DIDO1: variants seen among roughly 807,000 people sequenced by gnomAD.
DIDO1 encodes death-inducer obliterator 1.
Under a neutral mutation model 99.4 loss-of-function variants are expected in DIDO1, and 16 were observed. The ratio of observed to expected loss-of-function variants is 0.16; its 90% CI spans 0.11 to 0.24. DIDO1 has a LOEUF of 0.24. DIDO1 is among the 10% of genes least tolerant of loss of function. The probability of loss-of-function intolerance (pLI) is 1.00; values close to 1 mark genes in which losing one functional copy is unlikely to be tolerated. For missense variants in DIDO1, 2,996 were observed against 3,014.0 expected (o/e 0.99, Z 0.14); for synonymous variants, 1,366 against 1,239.1 (o/e 1.10, Z -2.15).
intron 8 of DIDO1, 127 bp from the exon 9 acceptor site, chr20:62,895,292 C>A (rs567248893): frequency 9.8e-6 from 8 of 815,402 alleles, no homozygotes; most frequent in Non-Finnish European, 1.6e-5. Flanking sequence ...GGCCCACTTG[C>A]GTGTGGCACT....
intron 6 of DIDO1, among the ~76,000 whole-genome samples, chr20:62,901,160 C>T (rs1372220768): frequency 6.6e-6 from 1 of 152,230 alleles, no homozygotes; most frequent in East Asian, 1.9e-4. Context: ...ATACAGCAGG[C>T]AGACTACATC....
chr20:62,919,122 G>C (rs2065090147), intron 1 of DIDO1, among the ~76,000 whole-genome samples: 1 of 152,150 alleles, frequency 6.6e-6, no homozygotes, highest in Non-Finnish European at 1.5e-5. Context: ...GGCCCACAAG[G>C]AACTGAAGAA....
At chr20:62,912,269 C>T (rs752014421) in intron 2 of DIDO1, among the ~76,000 whole-genome samples, 22 of 152,160 alleles carry the variant, frequency 1.4e-4, no homozygotes, top group Admixed American at 2.6e-4. Context: ...ATGACCCTCA[C>T]GGGCACAATG....
At chr20:62,884,105 C>CCACGCT (rs1454325431) in intron 15 of DIDO1, among the ~76,000 whole-genome samples, 2 of 152,212 alleles carry the variant, frequency 1.3e-5, no homozygotes, top group Non-Finnish European at 2.9e-5. Context: ...AGGACAGACA[C>CCACGCT]CACGCTCACG....
At chr20:62,930,328 C>A (rs547580600), upstream of DIDO1, among the ~76,000 whole-genome samples, 2 of 152,244 alleles carry the variant, frequency 1.3e-5, no homozygotes, top group Admixed American at 1.3e-4. Flanking sequence ...TTCACCCACT[C>A]AATGAATTCC....
intron 1 of DIDO1, among the ~76,000 whole-genome samples, chr20:62,919,209 G>C (rs561669082): frequency 1.3e-5 from 2 of 152,262 alleles, no homozygotes; most frequent in East Asian, 3.9e-4. Context: ...CCTTCAGACG[G>C]CAAATTCAAA....
At chr20:62,906,285 C>A (rs1430937408) in intron 5 of DIDO1, among the ~76,000 whole-genome samples, 185 bp from the exon 6 acceptor site, 1 of 152,118 alleles carries the variant, frequency 6.6e-6, no homozygotes, top group Admixed American at 6.5e-5. Context: ...CGCGGTGGGC[C>A]CGCAGTTTCC....
At position 62,912,598 on chromosome 20, in the gene DIDO1, G is replaced by C. The variant is rs541484132; in HGVS notation, c.-2-984C>G. Among the ~76,000 whole-genome samples the C allele has an allele frequency of 2.1e-4, 32 of 152,114 alleles. No homozygotes were observed. The South Asian group carries it at 3.5e-3, about 17-fold the overall frequency. The stretch of plus-strand genomic sequence containing the variant: ...ACTCTTGTTGAAATGACAAAAATCT[G>C]AAAAAGACAGTAGATACTTTGAGAA... On this transcript the variant is annotated intron_variant, in intron 2 of 15. Transcript: ENST00000395343.
At chr20:62,917,785 G>C (rs1484695156) in intron 1 of DIDO1, among the ~76,000 whole-genome samples, 1 of 152,246 alleles carries the variant, frequency 6.6e-6, no homozygotes, top group Non-Finnish European at 1.5e-5. Context: ...CGGTGCCCAT[G>C]CACGGTGCTG....
intron 1 of DIDO1, among the ~76,000 whole-genome samples, chr20:62,926,209 T>TGAGGCCCGCGCCC (rs1361364282): frequency 2.0e-5 from 3 of 151,384 alleles, no homozygotes; most frequent in African/African-American, 7.3e-5. Flanking sequence ...GGCCGGCGTC[T>TGAGGCCCGCGCCC]GAGGCCCGCG....
rs770318998 is a variant in DIDO1 at position 62,910,792 on chromosome 20, C to A, written c.821G>T (p.Arg274Leu). 1 of 1,611,086 alleles carries A rather than the reference C, an allele frequency of 6.2e-7. No homozygotes were observed. Among genetic ancestry groups the A allele is most frequent in the Non-Finnish European group, 8.5e-7 (1 of 1,177,424 alleles). Reference sequence around the variant, plus strand: ...GACCCACCTGTTGTTGTGAGGCTGGCGGCAAATGCAATACAGGGCGTTGGG... The same window carrying A: ...GACCCACCTGTTGTTGTGAGGCTGGAGGCAAATGCAATACAGGGCGTTGGG... ...YDPNALYCIC[R>L]QPHNNRFMIC... is the part of the protein sequence containing the mutation. The change falls in exon 3 of 16, where the codon CGC becomes CTC. Residue 274 changes from arginine (R) to leucine (L), a missense_variant. By Grantham distance (102) the Arg-to-Leu change is moderately radical. Coordinates refer to ENST00000395343, the MANE Select transcript of DIDO1 (RefSeq NM_001193369.2).
At position 62,880,342 on chromosome 20, in the gene DIDO1, C is replaced by T. The variant is rs1231918229; in HGVS notation, c.5614G>A (p.Gly1872Arg). The change falls in exon 16 of 16, where the codon GGG becomes AGG. Residue 1872 changes from glycine (G) to arginine (R), a missense_variant. Transcript: ENST00000395343. ...EVTGAPAQFE[G>R]TEQAPFLGSR... ...CCCAGAAATGGGGCTTGCTCTGTCC[C>T]TTCAAACTGGGCGGGGGCGCCCGTC... 2 of 1,612,750 alleles carry T rather than the reference C, an allele frequency of 1.2e-6. No homozygotes were observed. Among genetic ancestry groups the T allele is most frequent in the African/African-American group, 1.3e-5 (1 of 74,952 alleles).
chr20:62,900,799 C>G (rs2064654303), intron 6 of DIDO1, among the ~76,000 whole-genome samples: 3 of 152,248 alleles, frequency 2.0e-5, no homozygotes, highest in Admixed American at 2.0e-4. Flanking sequence ...CCACGGTGTC[C>G]TGAATCCTGC....
chr20:62,913,793 A>T (rs2064991098), intron 2 of DIDO1, among the ~76,000 whole-genome samples: 1 of 152,240 alleles, frequency 6.6e-6, no homozygotes, highest in African/African-American at 2.4e-5. Context: ...TGCTGCATCC[A>T]TGCTGGTAGC....
chr20:62,923,052 A>G (rs2065186540), intron 1 of DIDO1, among the ~76,000 whole-genome samples: 2 of 152,212 alleles, frequency 1.3e-5, no homozygotes, highest in South Asian at 4.1e-4. Flanking sequence ...CCCAGGCTGG[A>G]GAGCAGTAGC....
intron 1 of DIDO1, among the ~76,000 whole-genome samples, chr20:62,918,311 T>C (rs114239699): frequency 4.1e-4 from 63 of 152,328 alleles, no homozygotes; most frequent in African/African-American, 1.4e-3. Context: ...CGTGCCCACT[T>C]CCAGGTTGTG....
chr20:62,928,755 C>T (rs2065293297), upstream of DIDO1: 1 of 152,198 alleles, frequency 6.6e-6, no homozygotes, highest in South Asian at 2.1e-4. Context: ...CGATTTACAA[C>T]AGGATGTGGC....
At chr20:62,922,193 T>C (rs956909310) in intron 1 of DIDO1, among the ~76,000 whole-genome samples, 1 of 139,452 alleles carries the variant, frequency 7.2e-6, no homozygotes, top group East Asian at 2.2e-4. Context: ...TGTGTGTGTG[T>C]GTGTATATAT....
Position 62,894,752 on chromosome 20 carries a change from A to G in DIDO1, c.2436+58T>C. On this transcript the variant is annotated intron_variant, in intron 10 of 15. Transcript: ENST00000395343. This position sits in a 1 kb window ranked among gnomAD's most constrained non-coding sequence, Gnocchi z 4.4. ...TGCCCAATAATTTAAGATAACCTCAAAACATTTGGGATGGATTAGTCTATT... is the reference window on the plus strand; with the variant it reads ...TGCCCAATAATTTAAGATAACCTCAGAACATTTGGGATGGATTAGTCTATT... 6.4e-7 allele frequency: 1 copy of G among 1,553,258 alleles called. No individual in the cohort carries two copies. The highest frequency in any genetic ancestry group is 2.2e-5 in the East Asian group (1 of 44,564).
Sources: allele counts gnomAD v4.1 joint callset (sites outside exome capture counted in the v4.1 genomes callset), GRCh38; gene constraint gnomAD v4.1.1; non-coding constraint Gnocchi (gnomAD v3.1); transcripts MANE v1.5; gene names NCBI Gene and HGNC (gene_info 2026-07-23, HGNC 2026-07-21).